The following ERGIC1 variants were observed in gnomAD, a reference collection of about 807,000 sequenced individuals.
The protein encoded by ERGIC1 is endoplasmic reticulum-Golgi intermediate compartment protein 1.
Under a neutral mutation model 38.3 loss-of-function variants are expected in ERGIC1, and 19 were observed. That is an observed-to-expected ratio of 0.50 (90% CI 0.35 to 0.73). The LOEUF is 0.73. Ranked by LOEUF, ERGIC1 falls within the 30% of genes least tolerant of loss-of-function variation. The probability of loss-of-function intolerance (pLI) is 0.01; values close to 1 mark genes in which losing one functional copy is unlikely to be tolerated. For missense variants in ERGIC1, 294 were observed against 389.2 expected, an observed-to-expected ratio of 0.76 and a Z score of 2.06; for synonymous variants, 124 against 157.6, an observed-to-expected ratio of 0.79 and a Z score of 1.60.
intron 2 of ERGIC1, among the ~76,000 whole-genome samples, chr5:172,891,042 C>A (rs2113274830): frequency 6.6e-6 from 1 of 152,336 alleles, no homozygotes; most frequent in East Asian, 1.9e-4. Context: ...GCAAGTCACT[C>A]CCCTCTCTGA....
chr5:172,910,374 A>G (rs1763175148), intron 4 of ERGIC1, among the ~76,000 whole-genome samples: 1 of 152,216 alleles, frequency 6.6e-6, no homozygotes. Flanking sequence ...AGTCATTGGC[A>G]GCTGACACCT....
At position 172,951,602 on chromosome 5, in the gene ERGIC1, G is replaced by A. The variant is rs1410800324; in HGVS notation, c.*786G>A. 1 of 152,246 alleles carries A rather than the reference G, an allele frequency of 6.6e-6. No individual in the cohort carries two copies. The highest frequency in any genetic ancestry group is 1.5e-5 in the Non-Finnish European group (1 of 68,078). The allele number at this position is 152,246 out of a possible 1,614,324, so 9.4% of individuals were successfully genotyped here. ...ACCAATGTGCCTCAGCCTGTGTGCT[G>A]TGTGGCAACAGCATTCTGGTTCCCA... is the stretch of plus-strand genomic sequence containing the variant. On this transcript the variant is annotated 3_prime_UTR_variant, in exon 10 of 10. Coordinates refer to ENST00000393784, the MANE Select transcript of ERGIC1 (RefSeq NM_001031711.3).
At chr5:172,920,918 T>G (rs1302255149) in intron 5 of ERGIC1, among the ~76,000 whole-genome samples, 1 of 152,230 alleles carries the variant, frequency 6.6e-6, no homozygotes, top group Non-Finnish European at 1.5e-5. Flanking sequence ...GACTGTTTTA[T>G]CATGAAAATG....
At chr5:172,912,289 A>G (rs1763225935) in intron 4 of ERGIC1, among the ~76,000 whole-genome samples, 2 of 152,132 alleles carry the variant, frequency 1.3e-5, no homozygotes, top group Non-Finnish European at 2.9e-5. Context: ...ATTTCATTCC[A>G]GGCTCTGCTG....
intron 1 of ERGIC1, among the ~76,000 whole-genome samples, chr5:172,881,677 C>T (rs1220319797): frequency 1.3e-5 from 2 of 152,214 alleles, no homozygotes; most frequent in Non-Finnish European, 1.5e-5. Context: ...AGCAACAGGA[C>T]CATAAATTAG....
rs1240866087 is a variant in ERGIC1, at chr5:172,834,337, C to T, written c.-77C>T. 1.1e-4 allele frequency: 127 copies of T among 1,191,580 alleles called. No homozygotes were observed. Among genetic ancestry groups the T allele is most frequent in the South Asian group, 7.8e-5 (2 of 25,492 alleles). The allele number at this position is 1,191,580 out of a possible 1,614,324, so 73.8% of individuals were successfully genotyped here. On this transcript the variant is annotated 5_prime_UTR_variant, in exon 1 of 10. Transcript: ENST00000393784. The surrounding 1 kb of genome is among the most constrained non-coding windows in gnomAD (Gnocchi z 4.1). ...GCGGGGGCGGGGCGGCCGGAGGAGG[C>T]GTTGGCAGCGGGCTCGGACCCACGC...
chr5:172,914,545 C>A, intron 4 of ERGIC1, 169 bp from the exon 5 acceptor site: 1 of 1,108,288 alleles, frequency 9.0e-7, no homozygotes, highest in Non-Finnish European at 1.3e-6. Flanking sequence ...TTAGCGGAGT[C>A]ATTGTCCTGT....
At chr5:172,856,773 C>G (rs1252644299) in intron 1 of ERGIC1, among the ~76,000 whole-genome samples, 1 of 152,200 alleles carries the variant, frequency 6.6e-6, no homozygotes, top group Non-Finnish European at 1.5e-5. Context: ...CTTATCAGAC[C>G]TTCATGGAGA....
chr5:172,887,716 A>G (rs1762457499), intron 1 of ERGIC1, among the ~76,000 whole-genome samples: 1 of 152,258 alleles, frequency 6.6e-6, no homozygotes, highest in Non-Finnish European at 1.5e-5. Flanking sequence ...TCCATAGGAA[A>G]GAAAGACATC....
At chr5:172,940,433 C>A (rs1429374644) in intron 9 of ERGIC1, among the ~76,000 whole-genome samples, 1 of 152,180 alleles carries the variant, frequency 6.6e-6, no homozygotes, top group Non-Finnish European at 1.5e-5. Flanking sequence ...CCCACACACA[C>A]ATTTGTCCTG....
chr5:172,946,392 C>A (rs1484037662), intron 9 of ERGIC1, among the ~76,000 whole-genome samples: 1 of 152,244 alleles, frequency 6.6e-6, no homozygotes. Context: ...GCCCTCCCCT[C>A]CGTGAGTTCC....
At chr5:172,853,232 G>A (rs954984244) in intron 1 of ERGIC1, among the ~76,000 whole-genome samples, 33 of 152,164 alleles carry the variant, frequency 2.2e-4, no homozygotes, top group African/African-American at 8.0e-4. Flanking sequence ...ACTGGTGAGC[G>A]GCTCCTAGGT....
chr5:172,852,754 TGGG>T (rs1285226867), intron 1 of ERGIC1, among the ~76,000 whole-genome samples: 1 of 152,258 alleles, frequency 6.6e-6, no homozygotes, highest in East Asian at 1.9e-4. Flanking sequence ...ACCTTCCTCC[TGGG>T]GGACAGTAGA....
intron 1 of ERGIC1, among the ~76,000 whole-genome samples, chr5:172,838,236 C>T (rs756043410): frequency 1.2e-4 from 18 of 152,174 alleles, no homozygotes; most frequent in Non-Finnish European, 2.9e-5. Flanking sequence ...CAGGATGAGG[C>T]CCATAATTTG....
At chr5:172,910,570 G>A (rs1561731378) in intron 4 of ERGIC1, among the ~76,000 whole-genome samples, 1 of 147,058 alleles carries the variant, frequency 6.8e-6, no homozygotes, top group Non-Finnish European at 1.5e-5. Flanking sequence ...TGTCACCCAG[G>A]CCGGAGTGCA....
intron 3 of ERGIC1, among the ~76,000 whole-genome samples, chr5:172,903,774 G>C (rs1298744615): frequency 6.6e-6 from 1 of 152,098 alleles, no homozygotes; most frequent in African/African-American, 2.4e-5. Flanking sequence ...GAAACTGATG[G>C]ATGGGAAGCC....
intron 1 of ERGIC1, 48 bp from the exon 2 acceptor site, chr5:172,888,651 A>G (rs1762479209): frequency 6.7e-7 from 1 of 1,501,794 alleles, no homozygotes; most frequent in Admixed American, 1.7e-5. Flanking sequence ...CTGCCTTGAG[A>G]CCCACCCTTT....
chr5:172,850,083 AG>A, intron 1 of ERGIC1, among the ~76,000 whole-genome samples: 1 of 152,270 alleles, frequency 6.6e-6, no homozygotes, highest in East Asian at 1.9e-4. Context: ...GGAAGCTGGA[AG>A]GGTCCCAGGA....
At chr5:172,871,573 G>A (rs1260238387) in intron 1 of ERGIC1, among the ~76,000 whole-genome samples, 2 of 152,228 alleles carry the variant, frequency 1.3e-5, no homozygotes, top group East Asian at 3.8e-4. Context: ...GATAATCTAG[G>A]TGAAGACTGG....
Sources: gnomAD v4.1 joint callset for allele counts (sites outside exome capture counted in the v4.1 genomes callset) on GRCh38, gnomAD v4.1.1 for gene constraint, Gnocchi (gnomAD v3.1) non-coding constraint, MANE v1.5 for transcripts, NCBI Gene and HGNC (gene_info 2026-07-23, HGNC 2026-07-21) for gene names.